The following ZNF532 variants were observed in gnomAD, a reference collection of about 807,000 sequenced individuals.
ZNF532 encodes zinc finger protein 532.
ZNF532 carries 22 observed loss-of-function variants against 89.3 expected under a neutral mutation model. The ratio of observed to expected loss-of-function variants is 0.25; its 90% CI spans 0.18 to 0.35. The LOEUF (loss-of-function observed/expected upper bound fraction) is 0.35. Among genes scored for constraint, ZNF532 ranks in the 10% least tolerant of loss-of-function variants. ZNF532 has a pLI of 1.00. For synonymous variants in ZNF532, 606 were observed against 649.6 expected (o/e 0.93, Z 1.02); for missense variants, 1,132 against 1,643.4 (o/e 0.69, Z 5.38).
intron 2 of ZNF532, among the ~76,000 whole-genome samples, chr18:58,903,299 C>T (rs1292567651): frequency 3.9e-5 from 6 of 152,068 alleles, no homozygotes; most frequent in African/African-American, 9.7e-5. Context: ...GCTGGGCCTG[C>T]GAAAAACACA....
At chr18:58,983,921 C>T (rs768224473) in intron 9 of ZNF532, 51 bp from the exon 10 acceptor site, 4 of 1,551,880 alleles carry the variant, frequency 2.6e-6, no homozygotes, top group South Asian at 2.5e-5. Flanking sequence ...ATTTATCAAC[C>T]ACCGTGAAGG....
Position 58,986,458 on chromosome 18 carries a change from TAAA to T in ZNF532, c.*1995_*1997del, listed in dbSNP as rs1159762104. The T allele has an allele frequency of 6.6e-6, 1 of 152,662 alleles. No individual in the cohort carries two copies. The highest frequency in any genetic ancestry group is 1.5e-5 in the Non-Finnish European group (1 of 68,038). 9.5% of individuals were successfully genotyped at this position (152,662 alleles called of 1,614,324 possible). A position where few individuals can be genotyped will look rare whatever the true frequency, so the allele number is the denominator to read the frequency against. ...GACAAATATTCATTTATTCAACAAA[TAAA>T]AAGTATGTACAAAACATGATACAGA... On this transcript the variant is annotated 3_prime_UTR_variant, in exon 10 of 10. Coordinates refer to ENST00000591808, the MANE Select transcript of ZNF532 (RefSeq NM_001375912.1).
chr18:58,909,436 A>ATG (rs2060145670), intron 2 of ZNF532, among the ~76,000 whole-genome samples: 1 of 152,170 alleles, frequency 6.6e-6, no homozygotes. Context: ...AATTAGGACT[A>ATG]AAGATAGAAA....
chr18:58,918,900 A>C lies in ZNF532; in HGVS notation c.613A>C (p.Thr205Pro). ...GAAAAACAAAGCTGTTAAGAGAGAA[A>C]CAGAAGCCAGTTCTATAAACCTGAG... ...VEKNKAVKRE[T>P]EASSINLSVY... The change falls in exon 3 of 10, where the codon ACA (threonine) becomes CCA (proline). Residue 205 changes from threonine (T) to proline (P), a missense_variant. Transcript: ENST00000591808. The C allele has an allele frequency of 3.1e-6, 5 of 1,614,130 alleles. No individual in the cohort carries two copies. Among genetic ancestry groups the C allele is most frequent in the Non-Finnish European group, 4.2e-6 (5 of 1,180,042 alleles).
chr18:58,968,406 C>T (rs1038988882), intron 7 of ZNF532, among the ~76,000 whole-genome samples: 5 of 152,314 alleles, frequency 3.3e-5, no homozygotes, highest in African/African-American at 9.6e-5. Flanking sequence ...ATGGCTGCAG[C>T]GAGTCTAGCT....
chr18:58,939,728 T>A (rs1423025833), intron 5 of ZNF532, 107 bp downstream of exon 5: 1 of 1,031,352 alleles, frequency 9.7e-7, no homozygotes, highest in Non-Finnish European at 1.4e-6. Flanking sequence ...TGAAAAATTA[T>A]GCAGCTATGC....
chr18:58,922,790 T>G (rs2061219810), intron 3 of ZNF532, among the ~76,000 whole-genome samples: 1 of 152,208 alleles, frequency 6.6e-6, no homozygotes, highest in African/African-American at 2.4e-5. Context: ...GTGCTCTGTA[T>G]CTGGCCTTTG....
intron 2 of ZNF532, among the ~76,000 whole-genome samples, chr18:58,888,771 AT>A (rs1159291497): frequency 1.6e-5 from 1 of 61,524 alleles, no homozygotes; most frequent in African/African-American, 9.5e-5. Context: ...AATATATATA[AT>A]TTATATATAT....
intron 2 of ZNF532, among the ~76,000 whole-genome samples, chr18:58,906,063 A>G (rs2059918181): frequency 6.6e-6 from 1 of 152,028 alleles, no homozygotes; most frequent in African/African-American, 2.4e-5. Flanking sequence ...CGTGTAACTT[A>G]CCACAGTTGA....
In ZNF532 at chr18:58,953,790, G is replaced by A. The variant is rs2064465908; in HGVS notation, c.3141G>A (p.Glu1047=). The change falls in exon 7 of 10, where the codon GAG becomes GAA. Residue 1047 remains glutamate (E), a synonymous_variant. Coordinates refer to ENST00000591808, the MANE Select transcript of ZNF532 (RefSeq NM_001375912.1). ...TGTACATATCCCACGTGAGGAAGGA[G>A]CACGGGAAGGTCAGTAAAGAATGAA... The part of the protein sequence containing the change: ...RDVYISHVRK[E]HGKQMKKHPC... 6.2e-7 allele frequency: 1 copy of A among 1,611,990 alleles called. No individual in the cohort carries two copies. The highest frequency in any genetic ancestry group is 8.5e-7 in the Non-Finnish European group (1 of 1,178,454).
At chr18:58,908,027 G>T (rs994781741) in intron 2 of ZNF532, among the ~76,000 whole-genome samples, 1 of 152,234 alleles carries the variant, frequency 6.6e-6, no homozygotes, top group Non-Finnish European at 1.5e-5. Flanking sequence ...AATGAAAAGG[G>T]TAGGAGTATT....
At chr18:58,946,177 A>C (rs2063635502) in intron 5 of ZNF532, among the ~76,000 whole-genome samples, 1 of 152,228 alleles carries the variant, frequency 6.6e-6, no homozygotes, top group Admixed American at 6.5e-5. Context: ...TGCCCTTTAA[A>C]AAATGTGATC....
intron 8 of ZNF532, chr18:58,980,635 C>T (rs1049632825): frequency 3.3e-5 from 5 of 152,042 alleles, no homozygotes; most frequent in African/African-American, 1.2e-4. Flanking sequence ...TAACTAGGGC[C>T]ATTACCTCTT....
At chr18:58,864,592 A>AG (rs1276697189), upstream of ZNF532, 3 of 8,372 alleles carry the variant, frequency 3.6e-4, no homozygotes, top group Non-Finnish European at 2.4e-4. Flanking sequence ...GGTGGAGGGG[A>AG]GGGGGGATGG....
chr18:58,894,029 A>C (rs1040978761), intron 2 of ZNF532, among the ~76,000 whole-genome samples: 1 of 152,244 alleles, frequency 6.6e-6, no homozygotes, highest in African/African-American at 2.4e-5. Flanking sequence ...GAAGGAAGAG[A>C]TGTGTCTGGC....
chr18:58,939,308 A>G (rs1168413637), intron 4 of ZNF532, 137 bp from the exon 5 acceptor site: 1 of 546,256 alleles, frequency 1.8e-6, no homozygotes, highest in Non-Finnish European at 3.1e-6. Flanking sequence ...TATAATAGGA[A>G]AAAAACTAAA....
intron 2 of ZNF532, among the ~76,000 whole-genome samples, chr18:58,899,199 C>T (rs1280651676): frequency 2.0e-5 from 3 of 152,220 alleles, no homozygotes; most frequent in East Asian, 1.9e-4. Context: ...CTTCTTTCCA[C>T]CTCTTGTATT....
chr18:58,976,338 T>C lies in ZNF532; in HGVS notation c.3151-2717T>C, dbSNP rs995943624. 9.8e-5 allele frequency among the ~76,000 whole-genome samples: 15 copies of C among 152,356 alleles called. No homozygotes were observed. The East Asian group carries it at 2.9e-3, about 29-fold the overall frequency. ...TCTTCATTTTTTAGGGTTTTCTTAC[T>C]GGCATTTCTGTATTAAAATTTTGTT... On this transcript the variant is annotated intron_variant, in intron 7 of 9. Transcript: ENST00000591808.
intron 3 of ZNF532, among the ~76,000 whole-genome samples, chr18:58,931,218 C>T (rs1204301543): frequency 1.3e-5 from 2 of 152,134 alleles, no homozygotes; most frequent in African/African-American, 4.8e-5. Flanking sequence ...AAGGCAGTTA[C>T]TGTCACATTA....
Sources: allele counts gnomAD v4.1 joint callset (sites outside exome capture counted in the v4.1 genomes callset), GRCh38; gene constraint gnomAD v4.1.1; transcripts MANE v1.5; gene names NCBI Gene and HGNC (gene_info 2026-07-23, HGNC 2026-07-21).